The following EPB41 variants were observed in gnomAD, a reference collection of about 807,000 sequenced individuals.
The protein encoded by EPB41 is protein 4.1.
In EPB41, 65 loss-of-function variants were observed where a neutral mutation model predicts 108.0. The observed-to-expected ratio is 0.60, with a 90% CI of 0.49 to 0.74. The LOEUF is 0.74. EPB41 is among the 30% of genes least tolerant of loss of function. EPB41 has a pLI of 0.00. For synonymous variants in EPB41, 336 were observed against 358.9 expected (o/e 0.94, Z 0.72); for missense variants, 875 against 1,037.0 (o/e 0.84, Z 2.15).
chr1:29,048,165 G>C (rs1040863808), intron 11 of EPB41, among the ~76,000 whole-genome samples: 9 of 151,956 alleles, frequency 5.9e-5, no homozygotes, highest in Admixed American at 4.6e-4. Context: ...TTTTGGTTTT[G>C]TTGTTTTTTT....
chr1:29,054,928 C>T (rs553355297), intron 12 of EPB41, among the ~76,000 whole-genome samples: 4 of 152,138 alleles, frequency 2.6e-5, no homozygotes, highest in Non-Finnish European at 4.4e-5. Flanking sequence ...ATCCCAGCTA[C>T]TGGGGAGGTT....
At chr1:29,080,415 T>C (rs1465002187) in intron 16 of EPB41, among the ~76,000 whole-genome samples, 1 of 150,850 alleles carries the variant, frequency 6.6e-6, no homozygotes, top group African/African-American at 2.4e-5. Flanking sequence ...TTTTTTCTTT[T>C]TTTTTTTTTT....
At chr1:28,941,211 A>C (rs1053839198) in intron 1 of EPB41, among the ~76,000 whole-genome samples, 2 of 151,682 alleles carry the variant, frequency 1.3e-5, no homozygotes, top group Non-Finnish European at 2.9e-5. Context: ...CTACCAAAAA[A>C]AAAAAACAAA....
At chr1:28,904,544 T>C (rs1315206199) in intron 1 of EPB41, among the ~76,000 whole-genome samples, 1 of 152,018 alleles carries the variant, frequency 6.6e-6, no homozygotes, top group Non-Finnish European at 1.5e-5. Context: ...AGGGAAGTAA[T>C]TAGGATAAGA....
chr1:28,961,562 A>G (rs888199871), intron 1 of EPB41, among the ~76,000 whole-genome samples: 5 of 152,194 alleles, frequency 3.3e-5, no homozygotes, highest in African/African-American at 1.2e-4. Flanking sequence ...CTGAAATTGT[A>G]TCTATTTTGA....
chr1:28,996,879 A>G (rs1459576278), intron 3 of EPB41, among the ~76,000 whole-genome samples: 1 of 152,188 alleles, frequency 6.6e-6, no homozygotes, highest in Non-Finnish European at 1.5e-5. Flanking sequence ...TCATACCTGT[A>G]ATCCCAGCAC....
chr1:29,059,533 C>T (rs543584125), intron 14 of EPB41, among the ~76,000 whole-genome samples: 10 of 151,706 alleles, frequency 6.6e-5, no homozygotes, highest in Admixed American at 3.9e-4. Context: ...CCCAGCACTT[C>T]GGGAGGTCAA....
Position 28,895,914 on chromosome 1 carries a change from C to T in EPB41, c.-8+8704C>T, listed in dbSNP as rs569301476. Among the ~76,000 whole-genome samples the T allele has an allele frequency of 1.3e-4, 20 of 152,234 alleles. No homozygotes were observed. The East Asian group carries it at 2.5e-3, about 19-fold the overall frequency. ...TGGTGGGAGCTACTGACGTGTTTGT[C>T]GGATAAATAAATTCATGCACACACA... On this transcript the variant is annotated intron_variant, in intron 1 of 16. Coordinates refer to the EPB41 transcript ENST00000347529.
chr1:29,009,171 G>A (rs2096460604), intron 4 of EPB41, among the ~76,000 whole-genome samples: 1 of 148,802 alleles, frequency 6.7e-6, no homozygotes, highest in Non-Finnish European at 1.5e-5. Context: ...TAACCACAGT[G>A]CCTAGCACAT....
chr1:29,040,625 G>T (rs187721204), intron 11 of EPB41, among the ~76,000 whole-genome samples: 40 of 152,166 alleles, frequency 2.6e-4, no homozygotes, highest in Non-Finnish European at 1.8e-4. Flanking sequence ...GGCAATTATG[G>T]ATAGGAAACT....
At chr1:28,949,342 G>A (rs548420161) in intron 1 of EPB41, among the ~76,000 whole-genome samples, 1 of 152,172 alleles carries the variant, frequency 6.6e-6, no homozygotes, top group Non-Finnish European at 1.5e-5. Flanking sequence ...TACTTGGGAG[G>A]TTAAGGTGGG....
intron 1 of EPB41, among the ~76,000 whole-genome samples, chr1:28,952,971 C>T (rs1035846634): frequency 3.9e-5 from 6 of 152,136 alleles, no homozygotes; most frequent in Non-Finnish European, 5.9e-5. Flanking sequence ...TCAAGTGATG[C>T]GCCTGCCTCG....
chr1:29,079,640 A>C (rs931752970), intron 16 of EPB41, among the ~76,000 whole-genome samples: 13 of 151,984 alleles, frequency 8.6e-5, no homozygotes, highest in African/African-American at 3.1e-4. Context: ...CAAACTTCTG[A>C]CCTTAGTTGA....
intron 7 of EPB41, among the ~76,000 whole-genome samples, chr1:29,021,287 A>G (rs1458426528): frequency 2.6e-5 from 4 of 152,164 alleles, no homozygotes; most frequent in Non-Finnish European, 5.9e-5. Flanking sequence ...CTCTGTTGAA[A>G]TGGGTGGGGC....
At chr1:28,930,828 A>G (rs2093705099) in intron 1 of EPB41, among the ~76,000 whole-genome samples, 1 of 152,138 alleles carries the variant, frequency 6.6e-6, no homozygotes, top group South Asian at 2.1e-4. Flanking sequence ...CTGGCTGAAT[A>G]TGCTTTTAAG....
At chr1:29,043,668 T>G (rs542470603) in intron 11 of EPB41, among the ~76,000 whole-genome samples, 1 of 152,314 alleles carries the variant, frequency 6.6e-6, no homozygotes, top group South Asian at 2.1e-4. Flanking sequence ...TATAGGGCCT[T>G]GTGGGTCACA....
In EPB41 at chr1:29,093,096, G is replaced by T. The variant is rs191309823; in HGVS notation, c.2185-4711G>T. 4.2e-3 allele frequency among the ~76,000 whole-genome samples: 646 copies of T among 152,264 alleles called. 5 individuals are homozygous for T. The highest frequency in any genetic ancestry group is 0.015 in the African/African-American group (612 of 41,552). ...AATAGGATTGCTGGGTCAAATGGTA[G>T]TTCTGTTTTTAGCTCCTTGAGGAAT... On this transcript the variant is annotated intron_variant, in intron 16 of 20. Coordinates refer to ENST00000343067, the MANE Select transcript of EPB41 (RefSeq NM_001376013.1).
intron 1 of EPB41, among the ~76,000 whole-genome samples, chr1:28,897,611 AG>A (rs1557613646): frequency 1.3e-4 from 1 of 7,968 alleles, no homozygotes; most frequent in Non-Finnish European, 1.8e-4. Context: ...AGGGGAGGGG[AG>A]GGGAGAGGAG....
At chr1:29,090,026 G>A (rs1164974640) in intron 16 of EPB41, among the ~76,000 whole-genome samples, 4 of 152,188 alleles carry the variant, frequency 2.6e-5, no homozygotes, top group South Asian at 2.1e-4. Context: ...CACTTTGGGA[G>A]GCTATGGTGG....
Sources: allele counts gnomAD v4.1 joint callset (sites outside exome capture counted in the v4.1 genomes callset), GRCh38; gene constraint gnomAD v4.1.1; transcripts MANE v1.5; gene names NCBI Gene and HGNC (gene_info 2026-07-23, HGNC 2026-07-21).